The following MITD1 variants were observed in gnomAD, a reference collection of about 807,000 sequenced individuals.
The protein encoded by MITD1 is MIT domain-containing protein 1.
In MITD1, 24 loss-of-function variants were observed where a neutral mutation model predicts 34.9. The ratio of observed to expected loss-of-function variants is 0.69; its 90% CI spans 0.50 to 0.97. MITD1 has a LOEUF of 0.97. Ranked by LOEUF, MITD1 falls within the 50% of genes least tolerant of loss-of-function variation. The pLI is 0.00. For synonymous variants in MITD1, 102 were observed against 101.4 expected (o/e 1.01, Z -0.04); for missense variants, 266 against 294.6 (o/e 0.90, Z 0.71).
At chr2:99,174,056 G>A (rs371862346) in intron 1 of MITD1, 40 bp from the exon 2 acceptor site, 435 of 1,046,336 alleles carry the variant, frequency 4.2e-4, no homozygotes, top group Non-Finnish European at 5.8e-4. Flanking sequence ...TATCAAAATA[G>A]TTTTTCTATT....
intron 1 of MITD1, among the ~76,000 whole-genome samples, chr2:99,178,701 G>A (rs2093899939): frequency 6.6e-6 from 1 of 152,126 alleles, no homozygotes; most frequent in African/African-American, 2.4e-5. Flanking sequence ...ATAAATATCT[G>A]TGAGAAAAGA....
At chr2:99,165,057 CACACAT>C (rs1165304967), downstream of MITD1, among the ~76,000 whole-genome samples, 37 of 122,912 alleles carry the variant, frequency 3.0e-4, no homozygotes, top group African/African-American at 9.3e-4. Context: ...CACACACACA[CACACAT>C]ATATATATAG....
At chr2:99,173,451 T>C in intron 2 of MITD1, 1 of 469,684 alleles carries the variant, frequency 2.1e-6, no homozygotes, top group South Asian at 1.6e-5. Context: ...ACTCCTGAGG[T>C]GTTTTGATTC....
chr2:99,171,791 TATC>T, intron 2 of MITD1, 145 bp from the exon 3 acceptor site: 1 of 720,966 alleles, frequency 1.4e-6, no homozygotes, highest in Non-Finnish European at 2.2e-6. Flanking sequence ...GCCTACTAAA[TATC>T]ATATACATTG....
At chr2:99,163,303 TCTTC>T (rs1236948542) in intron 7 of MITD1, 2 of 326,434 alleles carry the variant, frequency 6.1e-6, no homozygotes, top group Non-Finnish European at 1.1e-5. Context: ...TTCTTCTCTT[TCTTC>T]CTTCATTTAT....
chr2:99,174,095 A>G (rs2093873645), intron 1 of MITD1, 79 bp from the exon 2 acceptor site: 1 of 786,276 alleles, frequency 1.3e-6, no homozygotes, highest in Non-Finnish European at 2.0e-6. Context: ...CAGTTTCTCA[A>G]GTTTTCTACA....
chr2:99,163,024 A>T (rs1158316892), intron 7 of MITD1: 1 of 1,596,566 alleles, frequency 6.3e-7, no homozygotes, highest in Non-Finnish European at 8.5e-7. Flanking sequence ...CCACAAGACC[A>T]CAAACTAAAC....
chr2:99,178,705 G>C (rs1311501359), intron 1 of MITD1, among the ~76,000 whole-genome samples: 1 of 152,110 alleles, frequency 6.6e-6, no homozygotes, highest in Non-Finnish European at 1.5e-5. Context: ...ATATCTGTGA[G>C]AAAAGAGCAC....
chr2:99,162,675 C>G (rs1288756220), intron 7 of MITD1: 1 of 1,613,982 alleles, frequency 6.2e-7, no homozygotes, highest in African/African-American at 1.3e-5. Context: ...TGCTTATCAT[C>G]AAATTGATAA....
In MITD1 at chr2:99,180,892, C is replaced by T. The variant is rs763217145; in HGVS notation, c.90G>A (p.Arg30=). The T allele has an allele frequency of 7.4e-6, 12 of 1,614,212 alleles. No homozygotes were observed. The Admixed American group carries it at 1.2e-4, about 16-fold the overall frequency. The change falls in exon 1 of 7, where the codon CGG becomes CGA. Residue 30 remains arginine (R), a synonymous_variant. Transcript: ENST00000289359. ...GGTAACACACCAGAGCCTGCGGATA[C>T]CGCGACTCCGAATCTAGTTCTACTG... ...KRAVELDSES[R]YPQALVCYQE...
Sources: allele counts gnomAD v4.1 joint callset (sites outside exome capture counted in the v4.1 genomes callset), GRCh38; gene constraint gnomAD v4.1.1; transcripts MANE v1.5; gene names NCBI Gene and HGNC (gene_info 2026-07-23, HGNC 2026-07-21).